NEK10: variants seen among roughly 807,000 people sequenced by gnomAD.
The protein encoded by NEK10 is serine/threonine-protein kinase Nek10.
NEK10 carries 122 observed loss-of-function variants against 159.8 expected under a neutral mutation model. That is an observed-to-expected ratio of 0.76 (90% confidence interval 0.66 to 0.89). The LOEUF is 0.89. NEK10 is among the 40% of genes least tolerant of loss of function. The probability of loss-of-function intolerance (pLI) is 0.00; values close to 1 mark genes in which losing one functional copy is unlikely to be tolerated. For synonymous variants in NEK10, 466 were observed against 457.1 expected (o/e 1.02, Z -0.25); for missense variants, 1,342 against 1,323.1 (o/e 1.01, Z -0.22).
intron 30 of NEK10, among the ~76,000 whole-genome samples, chr3:27,144,947 C>T (rs1944153127): frequency 1.3e-5 from 2 of 152,008 alleles, no homozygotes; most frequent in African/African-American, 4.8e-5. Context: ...GTCTTGAACT[C>T]CTGGCCTCAA....
chr3:27,290,511 C>T, intron 19 of NEK10, 106 bp downstream of exon 19: 1 of 797,616 alleles, frequency 1.3e-6, no homozygotes. Context: ...AATTATTTCA[C>T]ATGGAACTAG....
Position 27,307,884 on chromosome 3 carries a change from G to A in NEK10, c.778C>T (p.His260Tyr). 6.4e-7 allele frequency: 1 copy of A among 1,556,404 alleles called. No homozygotes were observed. Among genetic ancestry groups the A allele is most frequent in the Non-Finnish European group, 8.9e-7 (1 of 1,128,270 alleles). Reference protein sequence around the residue: ...NIVENLLMILHEYDLLSKRLT... With the variant: ...NIVENLLMILYEYDLLSKRLT... ...CTTTTAGAAAGCAAGTCATATTCATGTAAAATCATCAACAGATTTTCTACA... is the reference window on the plus strand; with the variant it reads ...CTTTTAGAAAGCAAGTCATATTCATATAAAATCATCAACAGATTTTCTACA... Residue 260 changes from histidine (H) to tyrosine (Y), a missense_variant, in exon 11 of 36, where the codon CAT becomes TAT. Transcript: ENST00000691995.
At chr3:27,129,916 T>A (rs1464578592) in intron 32 of NEK10, among the ~76,000 whole-genome samples, 3 of 152,076 alleles carry the variant, frequency 2.0e-5, no homozygotes, top group Non-Finnish European at 4.4e-5. Context: ...GAGCTATTTT[T>A]TTCAGTTTGG....
intron 26 of NEK10, among the ~76,000 whole-genome samples, chr3:27,187,464 C>T (rs1014000079): frequency 2.0e-5 from 3 of 151,994 alleles, no homozygotes; most frequent in Non-Finnish European, 2.9e-5. Context: ...AATTTTTACC[C>T]AAATTCATAT....
chr3:27,270,188 C>T (rs1425716601), intron 22 of NEK10, among the ~76,000 whole-genome samples: 1 of 152,190 alleles, frequency 6.6e-6, no homozygotes, highest in Admixed American at 6.5e-5. Context: ...CTCTTGCTCA[C>T]TGACTCTCTC....
At chr3:27,152,605 A>C (rs998816018) in intron 30 of NEK10, among the ~76,000 whole-genome samples, 2 of 152,150 alleles carry the variant, frequency 1.3e-5, no homozygotes, top group African/African-American at 2.4e-5. Context: ...CAAAAAACAA[A>C]AAAAAAACAA....
intron 22 of NEK10, among the ~76,000 whole-genome samples, chr3:27,278,240 A>G (rs1218338026): frequency 6.6e-6 from 1 of 152,212 alleles, no homozygotes; most frequent in Non-Finnish European, 1.5e-5. Context: ...ATTACATGTT[A>G]CAGTATTTTG....
intron 30 of NEK10, chr3:27,162,368 C>G: frequency 6.6e-7 from 1 of 1,509,406 alleles, no homozygotes; most frequent in South Asian, 1.4e-5. Context: ...ATTAAAATTA[C>G]CACCCAAGCA....
At chr3:27,177,235 A>G (rs1473841479) in intron 26 of NEK10, among the ~76,000 whole-genome samples, 1 of 152,132 alleles carries the variant, frequency 6.6e-6, no homozygotes, top group Non-Finnish European at 1.5e-5. Flanking sequence ...ATAGATGGAT[A>G]GTTTGGGTTT....
intron 22 of NEK10, among the ~76,000 whole-genome samples, chr3:27,259,971 C>A (rs189202540): frequency 2.9e-4 from 44 of 152,182 alleles, no homozygotes; most frequent in African/African-American, 1.0e-3. Flanking sequence ...ATTTTATTCT[C>A]TTTGAAGCAA....
At chr3:27,291,694 G>A in intron 16 of NEK10, 108 bp from the exon 17 acceptor site, 1 of 679,928 alleles carries the variant, frequency 1.5e-6, no homozygotes, top group Admixed American at 2.3e-5. Context: ...CCAGGCTGGA[G>A]TGCAGTGGCA....
At chr3:27,255,866 G>T (rs927999344) in intron 23 of NEK10, among the ~76,000 whole-genome samples, 2 of 152,070 alleles carry the variant, frequency 1.3e-5, no homozygotes, top group Non-Finnish European at 2.9e-5. Context: ...AGGTATTAGT[G>T]TACAAAAATC....
chr3:27,202,417 G>A lies in NEK10; in HGVS notation c.2220+11C>T. On this transcript the variant is annotated intron_variant, in intron 24 of 35. Transcript: ENST00000691995. ...CTACACGAGACCCTTCTGTCTCCCA[G>A]CGTTGCTTACTTTTGTAGCCAAGGA... 5 of 1,603,634 alleles carry A rather than the reference G, an allele frequency of 3.1e-6. No individual in the cohort carries two copies. The highest frequency in any genetic ancestry group is 4.3e-6 in the Non-Finnish European group (5 of 1,173,448).
At chr3:27,241,991 G>A (rs536028149) in intron 23 of NEK10, among the ~76,000 whole-genome samples, 2 of 152,252 alleles carry the variant, frequency 1.3e-5, no homozygotes, top group East Asian at 3.9e-4. Flanking sequence ...ACTTTTAACT[G>A]AGCCTCAGCT....
intron 30 of NEK10, among the ~76,000 whole-genome samples, chr3:27,158,230 A>T (rs1945688203): frequency 6.6e-6 from 1 of 152,178 alleles, no homozygotes; most frequent in Non-Finnish European, 1.5e-5. Flanking sequence ...GTATATAATT[A>T]TATGCCAAAT....
chr3:27,153,643 T>C (rs1461837267), intron 30 of NEK10, among the ~76,000 whole-genome samples: 1 of 152,108 alleles, frequency 6.6e-6, no homozygotes, highest in East Asian at 1.9e-4. Flanking sequence ...GGAAATCAAC[T>C]GCAAAAGGAA....
chr3:27,364,561 T>C (rs2149900494), intron 1 of NEK10, among the ~76,000 whole-genome samples: 1 of 152,308 alleles, frequency 6.6e-6, no homozygotes, highest in Non-Finnish European at 1.5e-5. Context: ...TCTATATTCA[T>C]TGACTTTGAC....
chr3:27,114,946 A>C (rs1363929018), intron 35 of NEK10, among the ~76,000 whole-genome samples: 1 of 152,148 alleles, frequency 6.6e-6, no homozygotes, highest in East Asian at 1.9e-4. Flanking sequence ...TATCTATTCC[A>C]CTTCAAAGCA....
At chr3:27,141,096 C>T (rs1043755086) in intron 31 of NEK10, among the ~76,000 whole-genome samples, 1 of 152,078 alleles carries the variant, frequency 6.6e-6, no homozygotes, top group African/African-American at 2.4e-5. Context: ...CTGAAAGGTC[C>T]TATTTTCAAC....
Sources: gnomAD v4.1 joint callset for allele counts (sites outside exome capture counted in the v4.1 genomes callset) on GRCh38, gnomAD v4.1.1 for gene constraint, MANE v1.5 for transcripts, NCBI Gene and HGNC (gene_info 2026-07-23, HGNC 2026-07-21) for gene names.